The following GAS6 variants were observed in gnomAD, a reference collection of about 807,000 sequenced individuals.
GAS6 encodes growth arrest specific 6.
In GAS6, 41 loss-of-function variants were observed where a neutral mutation model predicts 75.8. That is an observed-to-expected ratio of 0.54 (90% confidence interval 0.42 to 0.70). GAS6 has a LOEUF of 0.70. GAS6 is among the 30% of genes least tolerant of loss of function. The pLI is 0.00. For missense variants in GAS6, 854 were observed against 940.2 expected, an observed-to-expected ratio of 0.91 and a Z score of 1.20; for synonymous variants, 432 against 412.6, an observed-to-expected ratio of 1.05 and a Z score of -0.57.
At chr13:113,832,963 A>T in intron 8 of GAS6, 1 of 1,426,654 alleles carries the variant, frequency 7.0e-7, no homozygotes. Context: ...CGCTTCCCAC[A>T]GGGCTTCTCG....
chr13:113,828,123 A>G (rs372315746), intron 11 of GAS6, among the ~76,000 whole-genome samples: 2,484 of 152,172 alleles, frequency 0.016, 28 homozygotes, highest in Non-Finnish European at 0.024. Context: ...AATTAGCCGG[A>G]CGTGGTGGCG....
At chr13:113,862,406 AC>A (rs1240482891) in intron 2 of GAS6, among the ~76,000 whole-genome samples, 1 of 151,820 alleles carries the variant, frequency 6.6e-6, no homozygotes, top group Non-Finnish European at 1.5e-5. Context: ...CTGGGCGGCG[AC>A]TCCGAGCGAC....
chr13:113,821,894 G>C (rs2051463869), intron 14 of GAS6, 64 bp downstream of exon 14: 1 of 1,312,608 alleles, frequency 7.6e-7, no homozygotes, highest in Non-Finnish European at 1.0e-6. Flanking sequence ...GTTAGATCTG[G>C]GGTGACCAAG....
intron 2 of GAS6, among the ~76,000 whole-genome samples, chr13:113,857,008 C>G (rs1276913229): frequency 2.0e-5 from 3 of 152,226 alleles, no homozygotes; most frequent in Admixed American, 1.3e-4. Context: ...GGCCCAGGCT[C>G]TCTGAGGGCT....
At chr13:113,831,545 C>T (rs562776326) in intron 10 of GAS6, among the ~76,000 whole-genome samples, 46 of 152,158 alleles carry the variant, frequency 3.0e-4, no homozygotes, top group African/African-American at 1.1e-3. Context: ...AACAGCATGG[C>T]CTCCAGACAC....
rs750668571 is a variant in GAS6, at chr13:113,839,735, G to A, written c.459C>T (p.Cys153=). 11 of 1,613,574 alleles carry A rather than the reference G, an allele frequency of 6.8e-6. No homozygotes were observed. The East Asian group carries it at 1.1e-4, about 16-fold the overall frequency. ...LCKAGWGGRL[C]DKDVNECSQE... The stretch of plus-strand genomic sequence containing the variant: ...GTCTTCAGCCTCACGTACCTTTGTC[G>A]CAGAGCCGGCCCCCCCAGCCAGCTT... Residue 153 remains cysteine (C), a synonymous_variant, in exon 5 of 15, where the codon TGC becomes TGT. Transcript: ENST00000327773.
At position 113,848,015 on chromosome 13, in the gene GAS6, T is replaced by C. The variant is rs368447312; in HGVS notation, c.280+11A>G. 34 of 1,611,924 alleles carry C rather than the reference T, an allele frequency of 2.1e-5. No homozygotes were observed. The highest frequency in any genetic ancestry group is 2.5e-5 in the Non-Finnish European group (30 of 1,178,932). On this transcript the variant is annotated intron_variant, in intron 3 of 14. Coordinates refer to ENST00000327773, the MANE Select transcript of GAS6 (RefSeq NM_000820.4). The surrounding 1 kb of genome is among the most constrained non-coding windows in gnomAD (Gnocchi z 4.8). ...TACGACAACCAGAGTAGAGAAGTAA[T>C]TGAGACTTACCTAAGTATCTTGGGT...
chr13:113,823,746 A>G (rs2051493165), intron 12 of GAS6, among the ~76,000 whole-genome samples, 196 bp from the exon 13 acceptor site: 1 of 152,186 alleles, frequency 6.6e-6, no homozygotes, highest in Non-Finnish European at 1.5e-5. Flanking sequence ...GGGGACCCCC[A>G]GGCTGTTTCT....
intron 4 of GAS6, 49 bp downstream of exon 4, chr13:113,846,478 C>A: frequency 6.4e-7 from 1 of 1,554,196 alleles, no homozygotes; most frequent in Admixed American, 1.7e-5. Flanking sequence ...AGCCTAAAGC[C>A]GCCCAAACCC....
intron 5 of GAS6, chr13:113,839,479 C>G (rs377509718): frequency 5.9e-5 from 27 of 458,494 alleles, no homozygotes; most frequent in African/African-American, 4.3e-4. Context: ...TTTCCCCCCC[C>G]GCCCTTCAAT....
In GAS6 at chr13:113,843,180, C is replaced by T. The variant is rs999971575; in HGVS notation, c.344-3330G>A. 21 of 251,624 alleles carry T rather than the reference C, an allele frequency of 8.3e-5. 6 individuals are homozygous for T. Among genetic ancestry groups the T allele is most frequent in the African/African-American group, 4.1e-4 (18 of 43,466 alleles). 15.6% of individuals were successfully genotyped at this position (251,624 alleles called of 1,614,324 possible). On this transcript the variant is annotated intron_variant, in intron 4 of 14. Transcript: ENST00000327773. ...TGACCCCGTCCACCTCCCTGACCCC[C>T]GCCCACCTCCCTGATCCCCATCCCG...
chr13:113,828,925 T>TGATCCTCCC (rs1361087367), intron 10 of GAS6, among the ~76,000 whole-genome samples: 1 of 131,100 alleles, frequency 7.6e-6, no homozygotes, highest in East Asian at 2.2e-4. Flanking sequence ...GGAGACCACC[T>TGATCCTCCC]GATCCTCCCC....
At chr13:113,834,193 CCGGTGTGACAGGCCCCGGTGTGACAGGT>C (rs946198359) in intron 8 of GAS6, among the ~76,000 whole-genome samples, 7 of 134,928 alleles carry the variant, frequency 5.2e-5, no homozygotes, top group South Asian at 2.6e-4. Context: ...GTGACAGGCA[CCGGTGTGACAGGCCCCGGTGTGACAGGT>C]CGGTGTGACA....
chr13:113,857,760 G>A (rs1321473984), intron 2 of GAS6, among the ~76,000 whole-genome samples: 6 of 152,220 alleles, frequency 3.9e-5, no homozygotes, highest in Non-Finnish European at 7.3e-5. Context: ...TTCTCAAAAC[G>A]TCTTTAATTA....
rs756607772 is a variant in GAS6, at chr13:113,838,163, C to T, written c.495G>A (p.Gly165=). Residue 165 remains glycine (G), a synonymous_variant, in exon 6 of 15, where the codon GGG becomes GGA. Coordinates refer to ENST00000327773, the MANE Select transcript of GAS6 (RefSeq NM_000820.4). ...KDVNECSQEN[G]GCLQICHNKP... ...TGTTGTGGCAGATCTGGAGGCAGCCCCCGTTCTCCTGGCTGCATTCGTTGA... is the reference window on the plus strand; with the variant it reads ...TGTTGTGGCAGATCTGGAGGCAGCCTCCGTTCTCCTGGCTGCATTCGTTGA... 3 of 1,612,888 alleles carry T rather than the reference C, an allele frequency of 1.9e-6. No individual in the cohort carries two copies. Among genetic ancestry groups the T allele is most frequent in the Non-Finnish European group, 2.5e-6 (3 of 1,179,902 alleles).
At chr13:113,823,025 G>A (rs2051481175) in intron 13 of GAS6, 2 of 199,402 alleles carry the variant, frequency 1.0e-5, no homozygotes, top group South Asian at 3.5e-4. Context: ...AGGGAAATTG[G>A]AAAACTGAGT....
intron 14 of GAS6, chr13:113,821,613 C>T (rs867189867): frequency 8.8e-5 from 29 of 329,712 alleles, no homozygotes; most frequent in African/African-American, 5.3e-4. Context: ...GTGACAGCCG[C>T]GGGTCCCAAC....
rs2051987272 is a variant in GAS6 at position 113,863,241 on chromosome 13, G to A, written c.255+334C>T. Among the ~76,000 whole-genome samples the A allele has an allele frequency of 6.6e-6, 1 of 152,196 alleles. No homozygotes were observed. The highest frequency in any genetic ancestry group is 1.5e-5 in the Non-Finnish European group (1 of 68,022). On this transcript the variant is annotated intron_variant, in intron 2 of 14. Transcript: ENST00000327773. The surrounding 1 kb of genome is among the most constrained non-coding windows in gnomAD (Gnocchi z 9.4). ...GCGGCCCGGGGGTTCCTCACCTCCA[G>A]CCCAGCAGAGGGAGGGCCGCGGGGA... is the stretch of plus-strand genomic sequence containing the variant.
intron 8 of GAS6, 58 bp downstream of exon 8, chr13:113,834,493 C>G: frequency 7.0e-7 from 1 of 1,428,590 alleles, no homozygotes; most frequent in Non-Finnish European, 9.2e-7. Flanking sequence ...CGAAAGCCCC[C>G]ACCGGCGAGG....
Sources: allele counts gnomAD v4.1 joint callset (sites outside exome capture counted in the v4.1 genomes callset), GRCh38; gene constraint gnomAD v4.1.1; non-coding constraint Gnocchi (gnomAD v3.1); transcripts MANE v1.5; gene names NCBI Gene and HGNC (gene_info 2026-07-23, HGNC 2026-07-21).